Variants in MKLN1 observed in about 807,000 individuals in gnomAD.
The protein encoded by MKLN1 is muskelin.
In MKLN1, 18 loss-of-function variants were observed where a neutral mutation model predicts 99.0. That is an observed-to-expected ratio of 0.18 (90% CI 0.13 to 0.27). The LOEUF (loss-of-function observed/expected upper bound fraction) is 0.27, where lower values mean the gene tolerates loss of function less well. Among genes scored for constraint, MKLN1 ranks in the 10% least tolerant of loss-of-function variants. The pLI is 1.00. For missense variants in MKLN1, 621 were observed against 875.9 expected (o/e 0.71, Z 3.67); for synonymous variants, 288 against 293.2 (o/e 0.98, Z 0.18).
chr7:131,376,342 T>TAA (rs35692782), intron 2 of MKLN1, among the ~76,000 whole-genome samples: 65 of 131,494 alleles, frequency 4.9e-4, no homozygotes, highest in East Asian at 2.8e-3. Context: ...TGATCTATGT[T>TAA]AAAAAAAAAA....
intron 3 of MKLN1, among the ~76,000 whole-genome samples, chr7:131,295,710 C>G (rs1436831700): frequency 6.6e-6 from 1 of 151,866 alleles, no homozygotes; most frequent in Non-Finnish European, 1.5e-5. Flanking sequence ...ACAGCAAGAC[C>G]TCGTCTCTAC....
At chr7:131,128,896 A>ATTTTTT (rs59954758) in intron 1 of MKLN1, among the ~76,000 whole-genome samples, 3 of 120,206 alleles carry the variant, frequency 2.5e-5, no homozygotes, top group African/African-American at 3.4e-5. Context: ...CACCTCACCT[A>ATTTTTT]TTTTTTTTTT....
chr7:131,260,401 T>C (rs975654155), intron 3 of MKLN1, among the ~76,000 whole-genome samples: 3 of 151,854 alleles, frequency 2.0e-5, no homozygotes, highest in Admixed American at 6.6e-5. Flanking sequence ...AAGAATAAAA[T>C]ACCTAGGAAT....
chr7:131,489,137 A>G lies in MKLN1; in HGVS notation c.*1409A>G, dbSNP rs900558596. ...CTGAGTAGCAAGATTAGGCCTCACC[A>G]AAGAAGAAATTAACCTGCACTTTCA... On this transcript the variant is annotated 3_prime_UTR_variant, in exon 18 of 18. Coordinates refer to ENST00000352689, the MANE Select transcript of MKLN1 (RefSeq NM_013255.5). 3 of 152,184 alleles carry G rather than the reference A, an allele frequency of 2.0e-5. No homozygotes were observed. The highest frequency in any genetic ancestry group is 2.1e-4 in the South Asian group (1 of 4,828). The allele number at this position is 152,184 out of a possible 1,614,324, so 9.4% of individuals were successfully genotyped here.
At chr7:131,258,840 G>A (rs752982536) in intron 3 of MKLN1, among the ~76,000 whole-genome samples, 13 of 152,144 alleles carry the variant, frequency 8.5e-5, no homozygotes, top group African/African-American at 2.9e-4. Context: ...ATACAACCTG[G>A]TGGTCTGCTT....
chr7:131,432,883 A>G (rs578025204), intron 9 of MKLN1, among the ~76,000 whole-genome samples: 4 of 152,326 alleles, frequency 2.6e-5, no homozygotes, highest in Admixed American at 2.0e-4. Flanking sequence ...ACATATACTC[A>G]TAAGAGAATA....
At chr7:131,352,564 A>T (rs555361283) in intron 1 of MKLN1, among the ~76,000 whole-genome samples, 30 of 152,202 alleles carry the variant, frequency 2.0e-4, no homozygotes, top group African/African-American at 5.8e-4. Flanking sequence ...ACATTAATAT[A>T]ATTGCTTTGG....
At chr7:131,387,035 C>G in intron 2 of MKLN1, 85 bp from the exon 3 acceptor site, 1 of 1,281,632 alleles carries the variant, frequency 7.8e-7, no homozygotes, top group East Asian at 2.4e-5. Flanking sequence ...CTTATACATT[C>G]TTCTGTTAAC....
At position 131,375,314 on chromosome 7, in the gene MKLN1, T is replaced by C. The variant is rs563757371; in HGVS notation, c.99-110T>C. 1.9e-4 allele frequency: 131 copies of C among 673,278 alleles called. 1 individual carries two copies. In the East Asian group the frequency reaches 3.4e-3, roughly 17 times the overall value. 41.7% of individuals were successfully genotyped at this position (673,278 alleles called of 1,614,324 possible). Reference sequence around the variant, plus strand: ...TACTCTGTTTTGTTTTCTATTCTTATTCAAGTTCCAAACATTACATAACTT... The same window carrying C: ...TACTCTGTTTTGTTTTCTATTCTTACTCAAGTTCCAAACATTACATAACTT... On this transcript the variant is annotated intron_variant, in intron 1 of 17. Coordinates refer to ENST00000352689, the MANE Select transcript of MKLN1 (RefSeq NM_013255.5).
intron 8 of MKLN1, among the ~76,000 whole-genome samples, chr7:131,419,956 G>A (rs1049927616): frequency 6.6e-6 from 1 of 152,136 alleles, no homozygotes; most frequent in Non-Finnish European, 1.5e-5. Flanking sequence ...TGAGTGAAGG[G>A]CAGCGAGTCC....
intron 2 of MKLN1, among the ~76,000 whole-genome samples, chr7:131,188,877 A>G (rs1431990050): frequency 6.6e-6 from 1 of 152,242 alleles, no homozygotes; most frequent in East Asian, 1.9e-4. Flanking sequence ...ACATCAGTCT[A>G]TTCAGCCCCA....
intron 3 of MKLN1, among the ~76,000 whole-genome samples, chr7:131,217,229 T>C (rs1461357292): frequency 6.6e-6 from 1 of 152,182 alleles, no homozygotes; most frequent in Non-Finnish European, 1.5e-5. Flanking sequence ...GCTGCAACAG[T>C]AGTGACTAAG....
At chr7:131,304,217 AT>A (rs1798421351) in intron 3 of MKLN1, among the ~76,000 whole-genome samples, 1 of 152,160 alleles carries the variant, frequency 6.6e-6, no homozygotes, top group Non-Finnish European at 1.5e-5. Flanking sequence ...CTACAAAAAA[AT>A]AAATTAGCTG....
rs1036887102 is a variant in MKLN1, at chr7:131,489,684, C to T, written c.*1956C>T. On this transcript the variant is annotated 3_prime_UTR_variant, in exon 18 of 18. Coordinates refer to ENST00000352689, the MANE Select transcript of MKLN1 (RefSeq NM_013255.5). ...TAAGCAAGTGAAATTCTGCTGCCCT[C>T]CACCATTTATTTTTACAGTGCTTTG... 16 of 152,202 alleles carry T rather than the reference C, an allele frequency of 1.1e-4. No homozygotes were observed. The highest frequency in any genetic ancestry group is 3.6e-4 in the African/African-American group (15 of 41,540). 9.4% of individuals were successfully genotyped at this position (152,202 alleles called of 1,614,324 possible). A position where few individuals can be genotyped will look rare whatever the true frequency, so the allele number is the denominator to read the frequency against.
chr7:131,397,609 G>A (rs1013330047), intron 5 of MKLN1, among the ~76,000 whole-genome samples: 1 of 152,120 alleles, frequency 6.6e-6, no homozygotes, highest in African/African-American at 2.4e-5. Context: ...TATAGATGAA[G>A]AAATGAAGAA....
At chr7:131,186,534 C>T (rs1317570105) in intron 2 of MKLN1, among the ~76,000 whole-genome samples, 2 of 152,152 alleles carry the variant, frequency 1.3e-5, no homozygotes, top group African/African-American at 4.8e-5. Flanking sequence ...AAAACCTCTG[C>T]TCTGGACGCT....
chr7:131,275,054 A>G (rs1385305480), intron 3 of MKLN1, among the ~76,000 whole-genome samples: 1 of 152,156 alleles, frequency 6.6e-6, no homozygotes, highest in Admixed American at 6.6e-5. Context: ...CCTTTGTCTT[A>G]GTCAGTTTAG....
chr7:131,372,068 T>A (rs1412828743), intron 1 of MKLN1, among the ~76,000 whole-genome samples: 1 of 152,022 alleles, frequency 6.6e-6, no homozygotes, highest in East Asian at 1.9e-4. Context: ...AACATTATTC[T>A]TTCCTAGGAA....
At chr7:131,229,255 T>C (rs985643549) in intron 3 of MKLN1, among the ~76,000 whole-genome samples, 1 of 152,006 alleles carries the variant, frequency 6.6e-6, no homozygotes, top group Non-Finnish European at 1.5e-5. Context: ...GGTGGTTTGC[T>C]GCACCCATCG....
Sources: allele counts gnomAD v4.1 joint callset (sites outside exome capture counted in the v4.1 genomes callset), GRCh38; gene constraint gnomAD v4.1.1; transcripts MANE v1.5; gene names NCBI Gene and HGNC (gene_info 2026-07-23, HGNC 2026-07-21).